The following KALRN variants were observed in gnomAD, a reference collection of about 807,000 sequenced individuals.
KALRN encodes the protein kalirin.
KALRN carries 70 observed loss-of-function variants against 353.7 expected under a neutral mutation model. That is an observed-to-expected ratio of 0.20 (90% confidence interval 0.16 to 0.24). KALRN has a LOEUF of 0.24. Ranked by LOEUF, KALRN falls within the 10% of genes least tolerant of loss-of-function variation. The pLI is 1.00. For synonymous variants in KALRN, 1,391 were observed against 1,434.8 expected (o/e 0.97, Z 0.69); for missense variants, 2,791 against 3,756.7 (o/e 0.74, Z 6.72).
intron 33 of KALRN, among the ~76,000 whole-genome samples, chr3:124,531,861 A>G (rs1482913184): frequency 2.6e-5 from 4 of 152,132 alleles, no homozygotes; most frequent in African/African-American, 4.8e-5. Flanking sequence ...TACTACCCTA[A>G]TTTCTACTCA....
At chr3:124,370,003 T>G (rs1306284206) in intron 10 of KALRN, among the ~76,000 whole-genome samples, 1 of 152,204 alleles carries the variant, frequency 6.6e-6, no homozygotes, top group Non-Finnish European at 1.5e-5. Flanking sequence ...TGAATAGTAT[T>G]CCATTGTCTA....
rs2080341464 is a variant in KALRN at position 124,329,999 on chromosome 3, A to G, written c.1416+7A>G. 6.2e-7 allele frequency: 1 copy of G among 1,613,004 alleles called. No individual in the cohort carries two copies. Among genetic ancestry groups the G allele is most frequent in the African/African-American group, 1.3e-5 (1 of 74,958 alleles). On this transcript the variant is annotated splice_region_variant and intron_variant, in intron 8 of 59. Transcript: ENST00000682506. ...GACCCAAGCCTACACAGAGGTGAGA[A>G]TGGAGCAGGGCAACCATGGTTCTTG... is the stretch of plus-strand genomic sequence containing the variant.
chr3:124,086,389 C>T (rs970181566), intron 1 of KALRN, among the ~76,000 whole-genome samples: 1 of 149,120 alleles, frequency 6.7e-6, no homozygotes, highest in African/African-American at 2.5e-5. Context: ...TAAAATGTGG[C>T]ATGCTGTTAT....
In KALRN at chr3:124,034,806, A is replaced by G. The variant is rs186794381; in HGVS notation, c.73+993A>G. ...CAGTTTTGTCTGGAATCTTTGTCCC[A>G]AGGAGTCCAGTAAGTTACCGGGGCC... On this transcript the variant is annotated intron_variant, in intron 1 of 59. Transcript: ENST00000682506. Among the ~76,000 whole-genome samples the G allele has an allele frequency of 4.1e-3, 627 of 152,116 alleles. 1 individual carries two copies. Among genetic ancestry groups the G allele is most frequent in the Non-Finnish European group, 7.2e-3 (491 of 68,004 alleles).
At chr3:124,541,016 T>A (rs2068969033) in intron 33 of KALRN, among the ~76,000 whole-genome samples, 1 of 152,202 alleles carries the variant, frequency 6.6e-6, no homozygotes, top group South Asian at 2.1e-4. Context: ...AGTCACAGCC[T>A]GTTCTGTGAG....
intron 5 of KALRN, among the ~76,000 whole-genome samples, chr3:124,294,472 T>C (rs2076678139): frequency 6.7e-6 from 1 of 149,372 alleles, no homozygotes; most frequent in Non-Finnish European, 1.5e-5. Context: ...CATTTTGAAC[T>C]CTAAAGCATC....
chr3:124,144,762 C>T (rs1036269161), intron 1 of KALRN, among the ~76,000 whole-genome samples: 9 of 152,102 alleles, frequency 5.9e-5, no homozygotes, highest in Admixed American at 2.0e-4. Context: ...CATCCATTTA[C>T]TAGACTTTCA....
In KALRN at chr3:124,368,662, C is replaced by T. The variant is rs1020550034; in HGVS notation, c.1771-16183C>T. On this transcript the variant is annotated intron_variant, in intron 10 of 59. Transcript: ENST00000682506. ...ACTCCTCACTTCCCAGACGGGGTGG[C>T]GGCCGGGCAGAGGCTGCAATCTCGG... is the stretch of plus-strand genomic sequence containing the variant. 3.9e-4 allele frequency among the ~76,000 whole-genome samples: 57 copies of T among 146,418 alleles called. No homozygotes were observed. In the South Asian group the frequency reaches 0.013, roughly 33 times the overall value.
At chr3:124,584,186 C>T (rs1875362) in intron 34 of KALRN, among the ~76,000 whole-genome samples, 12,539 of 152,116 alleles carry the variant, frequency 0.082, 753 homozygotes, top group Non-Finnish European at 0.12. Context: ...AGTGTGTTTT[C>T]ACGTCATTAC....
intron 1 of KALRN, among the ~76,000 whole-genome samples, chr3:124,220,865 C>T (rs1232142024): frequency 1.3e-5 from 2 of 152,192 alleles, no homozygotes; most frequent in African/African-American, 4.8e-5. Flanking sequence ...GGGCCAAGTC[C>T]CAACCTCCCC....
At chr3:124,625,489 G>A (rs1166332068) in intron 34 of KALRN, among the ~76,000 whole-genome samples, 1 of 152,046 alleles carries the variant, frequency 6.6e-6, no homozygotes, top group Admixed American at 6.6e-5. Context: ...TGAAGGCTGA[G>A]GCAGGAGGAT....
intron 34 of KALRN, chr3:124,584,903 A>G (rs1016500627): frequency 6.3e-7 from 1 of 1,592,426 alleles, no homozygotes; most frequent in Admixed American, 1.7e-5. Flanking sequence ...CTTCCCGTGT[A>G]GAGGTGAGTG....
At chr3:124,498,269 G>A (rs1323322311) in intron 33 of KALRN, among the ~76,000 whole-genome samples, 1 of 152,208 alleles carries the variant, frequency 6.6e-6, no homozygotes, top group Non-Finnish European at 1.5e-5. Flanking sequence ...CCCATCATGT[G>A]CCAAGCTCTG....
chr3:124,147,677 C>T (rs976433773), intron 1 of KALRN, among the ~76,000 whole-genome samples: 1 of 152,176 alleles, frequency 6.6e-6, no homozygotes, highest in African/African-American at 2.4e-5. Context: ...TCCACAGACT[C>T]ATCCATCCAG....
At position 124,398,728 on chromosome 3, in the gene KALRN, C is replaced by G; in HGVS notation, c.2203C>G (p.His735Asp). Residue 735 changes from histidine (H) to aspartate (D), a missense_variant, in exon 13 of 60, where the codon CAC (histidine) becomes GAC (aspartate). His to Asp is a moderately conservative substitution (Grantham distance 81). This residue lies in a region of KALRN where 452 missense variants were observed against 575.8 expected (regional missense o/e 0.78). Transcript: ENST00000682506. The stretch of plus-strand genomic sequence containing the variant: ...GGCTGTGTCCAACAACAAAACACCC[C>G]ACAGCAGCTCCATCAGCCACATCGA... Reference protein sequence around the residue: ...DSAVSNNKTPHSSSISHIESV... With the variant: ...DSAVSNNKTPDSSSISHIESV... 6.2e-7 allele frequency: 1 copy of G among 1,614,180 alleles called. No individual in the cohort carries two copies. The highest frequency in any genetic ancestry group is 8.5e-7 in the Non-Finnish European group (1 of 1,180,036).
At chr3:124,529,678 A>T (rs1265864601) in intron 33 of KALRN, among the ~76,000 whole-genome samples, 1 of 152,092 alleles carries the variant, frequency 6.6e-6, no homozygotes, top group Non-Finnish European at 1.5e-5. Context: ...AATTCTGATA[A>T]ATGCCAACTC....
At chr3:124,527,225 T>A (rs1281433093) in intron 33 of KALRN, among the ~76,000 whole-genome samples, 1 of 152,020 alleles carries the variant, frequency 6.6e-6, no homozygotes, top group Non-Finnish European at 1.5e-5. Context: ...TAGTAATGAG[T>A]CTGTGAGTGT....
intron 34 of KALRN, among the ~76,000 whole-genome samples, chr3:124,629,388 A>C (rs2080481406): frequency 6.8e-6 from 1 of 147,292 alleles, no homozygotes; most frequent in Admixed American, 6.6e-5. Flanking sequence ...CAACAACAAC[A>C]AAAAAAACTC....
At chr3:124,477,224 T>G in intron 26 of KALRN, 21 bp from the exon 27 acceptor site, 1 of 1,549,876 alleles carries the variant, frequency 6.5e-7, no homozygotes, top group Non-Finnish European at 8.9e-7. Context: ...GCTTATCTAT[T>G]ATTATCTTTG....
Sources: gnomAD v4.1 joint callset for allele counts (sites outside exome capture counted in the v4.1 genomes callset) on GRCh38, gnomAD v4.1.1 for gene constraint, gnomAD v4.1.1 regional missense constraint, MANE v1.5 for transcripts, NCBI Gene and HGNC (gene_info 2026-07-23, HGNC 2026-07-21) for gene names.